The following TRA2B variants were observed in gnomAD, a reference collection of about 807,000 sequenced individuals.
The protein encoded by TRA2B is transformer-2 protein homolog beta.
Under a neutral mutation model 41.7 loss-of-function variants are expected in TRA2B, and 14 were observed. The ratio of observed to expected loss-of-function variants is 0.34; its 90% CI spans 0.22 to 0.53. The LOEUF (loss-of-function observed/expected upper bound fraction) is 0.53. TRA2B is among the 20% of genes least tolerant of loss of function. TRA2B has a pLI of 0.95. For synonymous variants in TRA2B, 130 were observed against 128.8 expected (o/e 1.01, Z -0.06); for missense variants, 167 against 396.8 (o/e 0.42, Z 4.92).
At chr3:185,937,517 T>A in intron 1 of TRA2B, 2 of 1,040,382 alleles carry the variant, frequency 1.9e-6, no homozygotes, top group South Asian at 8.1e-5. Flanking sequence ...AAGATATCGC[T>A]CCCCTCCCCC....
intron 7 of TRA2B, among the ~76,000 whole-genome samples, chr3:185,919,037 T>TGA (rs1161816169): frequency 6.6e-6 from 1 of 152,176 alleles, no homozygotes. Context: ...AGCACCCTCT[T>TGA]GAACACCCAA....
intron 7 of TRA2B, 76 bp downstream of exon 7, chr3:185,919,361 C>T: frequency 2.3e-6 from 3 of 1,294,764 alleles, no homozygotes; most frequent in East Asian, 2.5e-5. Flanking sequence ...TATAATTTAC[C>T]AAAACATTAC....
intron 1 of TRA2B, 126 bp downstream of exon 1, chr3:185,937,699 C>T: frequency 7.4e-7 from 1 of 1,357,254 alleles, no homozygotes; most frequent in Non-Finnish European, 1.0e-6. Flanking sequence ...TCTCCCTTGC[C>T]TGCCCTCCCG....
Position 185,925,719 on chromosome 3 carries a change from A to G in TRA2B, c.171-93T>C, listed in dbSNP as rs1743921513. On this transcript the variant is annotated intron_variant, in intron 2 of 8. Transcript: ENST00000453386. ...AAAGTTAAACTCCAAAAGAGGGAAC[A>G]ATCCAGGAATATGCTAACATGGTTA... 1.1e-5 allele frequency: 14 copies of G among 1,293,834 alleles called. No homozygotes were observed. The East Asian group carries it at 3.3e-4, about 30-fold the overall frequency. 80.1% of individuals were successfully genotyped at this position (1,293,834 alleles called of 1,614,324 possible).
In TRA2B at chr3:185,936,271, G is replaced by A. The variant is rs551691426; in HGVS notation, c.36+1554C>T. The stretch of plus-strand genomic sequence containing the variant: ...CCAAACACCAATGACTGTTATAACA[G>A]ATTCAACTGCCAATGATCAGAAGTC... On this transcript the variant is annotated intron_variant, in intron 1 of 8. Transcript: ENST00000453386. 5.1e-6 allele frequency: 5 copies of A among 985,236 alleles called. No individual in the cohort carries two copies. The South Asian group carries it at 1.9e-4, about 37-fold the overall frequency. The allele number at this position is 985,236 out of a possible 1,614,324, so 61.0% of individuals were successfully genotyped here. A position where few individuals can be genotyped will look rare whatever the true frequency, so the allele number is the denominator to read the frequency against.
intron 1 of TRA2B, among the ~76,000 whole-genome samples, chr3:185,934,099 TC>T (rs1171334662): frequency 3.9e-5 from 6 of 152,138 alleles, no homozygotes; most frequent in African/African-American, 1.4e-4. Flanking sequence ...GATTTCAATA[TC>T]TAATTCTACA....
chr3:185,928,553 G>A (rs1177463112), intron 1 of TRA2B: 2 of 152,062 alleles, frequency 1.3e-5, no homozygotes, highest in Non-Finnish European at 2.9e-5. Context: ...TTCTCTCCAT[G>A]GACAAAGGAG....
chr3:185,924,888 C>G (rs1442683033), intron 3 of TRA2B: 2 of 151,964 alleles, frequency 1.3e-5, no homozygotes, highest in Non-Finnish European at 1.5e-5. Context: ...ATGAATTTAC[C>G]TAAAGATTCC....
intron 4 of TRA2B, 179 bp downstream of exon 4, chr3:185,923,617 C>T: frequency 2.0e-6 from 1 of 500,890 alleles, no homozygotes; most frequent in Non-Finnish European, 3.3e-6. Context: ...GTAGGACCAA[C>T]TTCCCCAAGT....
At position 185,931,958 on chromosome 3, in the gene TRA2B, A is replaced by T. The variant is rs1578485199; in HGVS notation, c.37-5224T>A. ...AAAATCCCTTTGTTGATTTGGATTA[A>T]AAAAAAAAAAAAAGAAACTAGAATA... On this transcript the variant is annotated intron_variant, in intron 1 of 8. Coordinates refer to ENST00000453386, the MANE Select transcript of TRA2B (RefSeq NM_004593.3). 13 of 200,436 alleles carry T rather than the reference A, an allele frequency of 6.5e-5. No homozygotes were observed. The East Asian group carries it at 8.3e-4, about 13-fold the overall frequency. The allele number at this position is 200,436 out of a possible 1,614,324, so 12.4% of individuals were successfully genotyped here.
rs1447644161 is a variant in TRA2B at position 185,936,119 on chromosome 3, AC to A, written c.36+1705del. ...AATTTTCCATTCTCAAGCATTCTTC[AC>A]GTGTATTCAATCGAGAGCTCTAGTC... On this transcript the variant is annotated intron_variant, in intron 1 of 8. Transcript: ENST00000453386. 6.2e-5 allele frequency: 61 copies of A among 985,436 alleles called. No individual in the cohort carries two copies. In the South Asian group the frequency reaches 2.1e-3, roughly 34 times the overall value. 61.0% of individuals were successfully genotyped at this position (985,436 alleles called of 1,614,324 possible). A position where few individuals can be genotyped will look rare whatever the true frequency, so the allele number is the denominator to read the frequency against.
At chr3:185,937,061 A>G (rs531652552) in intron 1 of TRA2B, 2 of 985,330 alleles carry the variant, frequency 2.0e-6, no homozygotes, top group Non-Finnish European at 2.4e-6. Flanking sequence ...TGCGATGTCC[A>G]CAAAATCATC....
At chr3:185,931,147 G>A (rs923726144) in intron 1 of TRA2B, among the ~76,000 whole-genome samples, 15 of 152,140 alleles carry the variant, frequency 9.9e-5, no homozygotes, top group African/African-American at 3.6e-4. Flanking sequence ...TAACCATCCT[G>A]GTGACATTCC....
intron 1 of TRA2B, chr3:185,936,673 A>G (rs892036503): frequency 3.1e-6 from 3 of 965,028 alleles, no homozygotes; most frequent in African/African-American, 3.9e-5. Context: ...TAGGTAACAA[A>G]TTGTTTTTTT....
At chr3:185,924,083 A>T (rs529358462) in intron 3 of TRA2B, 99 bp from the exon 4 acceptor site, 1 of 1,023,360 alleles carries the variant, frequency 9.8e-7, no homozygotes, top group Middle Eastern at 2.1e-4. Context: ...CACTAACAAG[A>T]AAAGTACATA....
At chr3:185,921,068 A>G (rs775922687) in intron 6 of TRA2B, 36 bp downstream of exon 6, 13 of 1,576,934 alleles carry the variant, frequency 8.2e-6, no homozygotes, top group South Asian at 3.3e-5. Context: ...CACTGTACTG[A>G]GATTCAGACG....
At chr3:185,931,457 A>T in intron 1 of TRA2B, 1 of 679,228 alleles carries the variant, frequency 1.5e-6, no homozygotes, top group Non-Finnish European at 1.8e-6. Context: ...AGAATTACCT[A>T]ATTTAAACGT....
chr3:185,918,486 G>C (rs746850295), intron 7 of TRA2B, 48 bp from the exon 8 acceptor site: 3 of 1,339,984 alleles, frequency 2.2e-6, no homozygotes, highest in South Asian at 1.2e-5. Flanking sequence ...ATCACAATTA[G>C]ACCAAACATA....
At chr3:185,934,123 C>T (rs1187157449) in intron 1 of TRA2B, among the ~76,000 whole-genome samples, 4 of 152,128 alleles carry the variant, frequency 2.6e-5, no homozygotes, top group Non-Finnish European at 5.9e-5. Flanking sequence ...GCCCACACCC[C>T]CAATACTAAC....
Sources: allele counts gnomAD v4.1 joint callset (sites outside exome capture counted in the v4.1 genomes callset), GRCh38; gene constraint gnomAD v4.1.1; transcripts MANE v1.5; gene names NCBI Gene and HGNC (gene_info 2026-07-23, HGNC 2026-07-21).